UNC13C: variants seen among roughly 807,000 people sequenced by gnomAD.
UNC13C encodes protein unc-13 homolog C.
In UNC13C, 174 loss-of-function variants were observed where a neutral mutation model predicts 245.4. The ratio of observed to expected loss-of-function variants is 0.71; its 90% confidence interval spans 0.63 to 0.80. The LOEUF is 0.80. UNC13C is among the 30% of genes least tolerant of loss of function. The probability of loss-of-function intolerance (pLI) is 0.00; values close to 1 mark genes in which losing one functional copy is unlikely to be tolerated. For missense variants in UNC13C, 2,829 were observed against 2,602.9 expected (o/e 1.09, Z -1.89); for synonymous variants, 992 against 895.1 (o/e 1.11, Z -1.93).
intron 19 of UNC13C, among the ~76,000 whole-genome samples, chr15:54,416,112 G>C (rs1159629060): frequency 6.6e-6 from 1 of 152,184 alleles, no homozygotes; most frequent in Non-Finnish European, 1.5e-5. Context: ...CCAGCAGACA[G>C]GGCCTTGTGG....
the UNC13C span, chr15:53,911,488 C>G: frequency 6.6e-6 from 1 of 152,122 alleles, no homozygotes; most frequent in Middle Eastern, 3.2e-3. Flanking sequence ...TGCTTATACC[C>G]CCACTGATTT....
intron 19 of UNC13C, among the ~76,000 whole-genome samples, chr15:54,442,200 A>G (rs1596380850): frequency 1.3e-5 from 2 of 150,230 alleles, no homozygotes; most frequent in African/African-American, 4.9e-5. Flanking sequence ...GACTTCCAGT[A>G]CTAAATTGAA....
intron 4 of UNC13C, among the ~76,000 whole-genome samples, chr15:54,187,236 G>A (rs1448065793): frequency 6.6e-6 from 1 of 151,924 alleles, no homozygotes; most frequent in Admixed American, 6.6e-5. Context: ...CATCACTACT[G>A]CCTTACCCTG....
At chr15:54,034,362 G>C (rs1224023542) in intron 2 of UNC13C, among the ~76,000 whole-genome samples, 1 of 152,148 alleles carries the variant, frequency 6.6e-6, no homozygotes, top group East Asian at 1.9e-4. Context: ...TACAAAGTCT[G>C]TCTCTCTCTG....
At chr15:54,398,192 T>C (rs1352883117) in intron 18 of UNC13C, among the ~76,000 whole-genome samples, 3 of 151,510 alleles carry the variant, frequency 2.0e-5, no homozygotes, top group Non-Finnish European at 4.4e-5. Context: ...AAATATCTTT[T>C]CTGCTCATAA....
At position 54,013,847 on chromosome 15, in the gene UNC13C, TG is replaced by T; in HGVS notation, c.947del (p.Gly316ValfsTer6). On this transcript the variant is annotated frameshift_variant, in exon 2 of 33. Transcript: ENST00000260323. LOFTEE classifies it high-confidence loss of function. ...IHDYIKHLGH[M>X]GSKASLRFLN... ...GATTATATTAAGCACTTAGGTCATA[TG>T]GGTAGCAAGGCAAGCCTGAGATTTT... 6.2e-7 allele frequency: 1 copy of T among 1,613,504 alleles called. No homozygotes were observed. The highest frequency in any genetic ancestry group is 8.5e-7 in the Non-Finnish European group (1 of 1,179,706).
At chr15:54,272,691 A>G (rs2036718794) in intron 10 of UNC13C, among the ~76,000 whole-genome samples, 2 of 152,156 alleles carry the variant, frequency 1.3e-5, no homozygotes, top group Non-Finnish European at 2.9e-5. Context: ...AATAATAACC[A>G]ATTCTACTGT....
chr15:53,848,413 A>G, the UNC13C span, among the ~76,000 whole-genome samples: 3 of 152,128 alleles, frequency 2.0e-5, no homozygotes, highest in Non-Finnish European at 4.4e-5. Context: ...AATTTCAAAT[A>G]TGTATTTTGG....
chr15:54,536,460 T>C (rs1430757890), intron 26 of UNC13C, among the ~76,000 whole-genome samples: 1 of 151,270 alleles, frequency 6.6e-6, no homozygotes, highest in Admixed American at 6.6e-5. Context: ...GAGGAGGAGG[T>C]ACTACTCCAC....
rs150187388 is a variant in UNC13C, at chr15:54,523,381, A to G, written c.5458-2168A>G. Among the ~76,000 whole-genome samples the G allele has an allele frequency of 5.1e-3, 776 of 152,310 alleles. 9 individuals are homozygous for G. The highest frequency in any genetic ancestry group is 0.018 in the African/African-American group (755 of 41,556). On this transcript the variant is annotated intron_variant, in intron 24 of 32. Transcript: ENST00000260323. Reference sequence around the variant, plus strand: ...AACGTTAAATACTTAACTGAAACTAAAACTTTTCCTTTTGTGGGAGGGACT... The same window carrying G: ...AACGTTAAATACTTAACTGAAACTAGAACTTTTCCTTTTGTGGGAGGGACT...
At chr15:53,961,240 A>C in the UNC13C span, among the ~76,000 whole-genome samples, 1 of 152,232 alleles carries the variant, frequency 6.6e-6, no homozygotes, top group South Asian at 2.1e-4. Flanking sequence ...GCCCACTGGC[A>C]CAGCACCGGA....
At chr15:54,256,168 C>T (rs1386910174) in intron 8 of UNC13C, among the ~76,000 whole-genome samples, 7 of 152,108 alleles carry the variant, frequency 4.6e-5, no homozygotes, top group Non-Finnish European at 1.0e-4. Flanking sequence ...TTGTCAATGA[C>T]CTCCAGCTAG....
At chr15:54,224,567 T>G (rs2035320934) in intron 4 of UNC13C, among the ~76,000 whole-genome samples, 1 of 152,122 alleles carries the variant, frequency 6.6e-6, no homozygotes, top group South Asian at 2.1e-4. Flanking sequence ...ATCAAATTAG[T>G]GTTCATCAGG....
the UNC13C span, among the ~76,000 whole-genome samples, chr15:53,926,814 G>A: frequency 1.3e-5 from 2 of 152,188 alleles, no homozygotes; most frequent in Non-Finnish European, 2.9e-5. Flanking sequence ...ACATTCCAGA[G>A]AGAAGGGCAT....
intron 2 of UNC13C, among the ~76,000 whole-genome samples, chr15:54,093,964 T>C (rs1452712177): frequency 6.7e-6 from 1 of 148,304 alleles, no homozygotes. Context: ...ATAATTGACT[T>C]ATAGCACCAA....
chr15:54,577,550 A>C (rs2553222), intron 30 of UNC13C, among the ~76,000 whole-genome samples: 4 of 151,948 alleles, frequency 2.6e-5, no homozygotes, highest in Non-Finnish European at 5.9e-5. Context: ...AAAAGGGAAG[A>C]CTACGTTCAG....
the UNC13C span, among the ~76,000 whole-genome samples, chr15:53,942,108 T>C: frequency 6.6e-6 from 1 of 152,192 alleles, no homozygotes; most frequent in Non-Finnish European, 1.5e-5. Flanking sequence ...TGCACATGTA[T>C]GTTCATGACA....
At chr15:54,309,091 A>G (rs552465714) in intron 13 of UNC13C, among the ~76,000 whole-genome samples, 11 of 151,858 alleles carry the variant, frequency 7.2e-5, no homozygotes, top group Non-Finnish European at 1.3e-4. Flanking sequence ...ACTGTTTGTC[A>G]TAATTGCTGT....
At chr15:54,294,938 C>A (rs1050311433) in intron 11 of UNC13C, among the ~76,000 whole-genome samples, 1 of 152,104 alleles carries the variant, frequency 6.6e-6, no homozygotes, top group Non-Finnish European at 1.5e-5. Flanking sequence ...ATGGAGGTCA[C>A]ATTGAATTCA....
Sources: gnomAD v4.1 joint callset for allele counts (sites outside exome capture counted in the v4.1 genomes callset) on GRCh38, gnomAD v4.1.1 for gene constraint, MANE v1.5 for transcripts, NCBI Gene and HGNC (gene_info 2026-07-23, HGNC 2026-07-21) for gene names.